The following STARD9 variants were observed in gnomAD, a reference collection of about 807,000 sequenced individuals.
STARD9 encodes the protein stAR-related lipid transfer protein 9.
STARD9 carries 346 observed loss-of-function variants against 399.8 expected under a neutral mutation model. The observed-to-expected ratio is 0.87, with a 90% CI of 0.79 to 0.95. The LOEUF (loss-of-function observed/expected upper bound fraction) is 0.95, where lower values mean the gene tolerates loss of function less well. Among genes scored for constraint, STARD9 ranks in the 40% least tolerant of loss-of-function variants. STARD9 has a pLI of 0.00. For missense variants in STARD9, 5,832 were observed against 5,667.5 expected, an observed-to-expected ratio of 1.03 and a Z score of -0.93; for synonymous variants, 2,203 against 2,143.5, an observed-to-expected ratio of 1.03 and a Z score of -0.77.
In STARD9 at chr15:42,607,458, C is replaced by T. The variant is rs1023647720; in HGVS notation, c.234+21821C>T. 2.6e-5 allele frequency among the ~76,000 whole-genome samples: 4 copies of T among 152,038 alleles called. No individual in the cohort carries two copies. The South Asian group carries it at 6.2e-4, about 24-fold the overall frequency. On this transcript the variant is annotated intron_variant, in intron 3 of 32. Coordinates refer to ENST00000290607, the MANE Select transcript of STARD9 (RefSeq NM_020759.3). ...CCTCAAGTGATCTGCCCACCTCACC[C>T]TCCCAAAGTGCTGGGATGACAGGTG...
chr15:42,626,955 A>G (rs1595666365), intron 3 of STARD9, among the ~76,000 whole-genome samples: 1 of 151,372 alleles, frequency 6.6e-6, no homozygotes, highest in African/African-American at 2.4e-5. Context: ...GGCTAAAGCG[A>G]TCCTTCAACT....
At chr15:42,614,865 T>C (rs2058925353) in intron 3 of STARD9, among the ~76,000 whole-genome samples, 1 of 152,040 alleles carries the variant, frequency 6.6e-6, no homozygotes, top group African/African-American at 2.4e-5. Context: ...CTCGGGAGGC[T>C]GAGGCGGGAG....
At position 42,692,275 on chromosome 15, in the gene STARD9, T is replaced by A. The variant is rs2060727025; in HGVS notation, c.10697T>A (p.Leu3566Ter). ...TTCCGAGGGAGTTCTTCAATTGCCT[T>A]AGGAGACCCCCACATCCCGACGAGC... ...EVFRGSSSIALGDPHIPTSPE... is the reference protein window; with the variant it reads ...EVFRGSSSIA The change falls in exon 23 of 33, where the codon TTA becomes TAA. Residue 3566 changes from leucine to a stop codon, truncating the protein, a stop_gained. Transcript: ENST00000290607. LOFTEE classifies it high-confidence loss of function. The A allele has an allele frequency of 1.8e-5, 28 of 1,536,892 alleles. No homozygotes were observed. The highest frequency in any genetic ancestry group is 2.4e-5 in the Non-Finnish European group (27 of 1,146,906).
chr15:42,688,322 T>TTC lies in STARD9; in HGVS notation c.6744_6745insTC (p.Val2249SerfsTer2). ...TAGGAAGTCTTGAGGAATTGGAGAC[T>TTC]GTGAAAGGTTTTCAGGAAAGCCAAG... On this transcript the variant is annotated frameshift_variant, in exon 23 of 33. Coordinates refer to ENST00000290607, the MANE Select transcript of STARD9 (RefSeq NM_020759.3). LOFTEE classifies it high-confidence loss of function. 1 of 1,537,368 alleles carries TTC rather than the reference T, an allele frequency of 6.5e-7. No individual in the cohort carries two copies.
rs1424730661 is a variant in STARD9, at chr15:42,687,053, C to G, written c.5475C>G (p.Thr1825=). Residue 1825 remains threonine, a synonymous_variant, in exon 23 of 33, where the codon ACC becomes ACG. Transcript: ENST00000290607. ...VTAEIPVDLN[T]REVIRESGKC... is the part of the protein sequence containing the mutation. ...CTGAGATACCAGTTGATCTGAATAC[C>G]AGGGAAGTCATCAGAGAATCAGGTA... 3.9e-6 allele frequency: 6 copies of G among 1,536,852 alleles called. No homozygotes were observed. Among genetic ancestry groups the G allele is most frequent in the African/African-American group, 1.4e-5 (1 of 73,006 alleles).
chr15:42,718,553 T>G, intron 31 of STARD9, 39 bp downstream of exon 31: 1 of 1,521,838 alleles, frequency 6.6e-7, no homozygotes, highest in Non-Finnish European at 8.8e-7. Context: ...GGGAAGAACT[T>G]GGGCTGAAGT....
intron 26 of STARD9, among the ~76,000 whole-genome samples, chr15:42,707,414 T>G (rs955897740): frequency 9.9e-5 from 15 of 151,912 alleles, no homozygotes; most frequent in Non-Finnish European, 1.0e-4. Flanking sequence ...ATTAATACTA[T>G]GCAAGACTCG....
At chr15:42,667,576 G>A (rs2060127457) in intron 15 of STARD9, among the ~76,000 whole-genome samples, 1 of 151,834 alleles carries the variant, frequency 6.6e-6, no homozygotes, top group African/African-American at 2.4e-5. Context: ...CTGCCTGCTG[G>A]GTTCAAGCAA....
At position 42,687,535 on chromosome 15, in the gene STARD9, G is replaced by T. The variant is rs115067542; in HGVS notation, c.5957G>T (p.Arg1986Leu). ...ACTGGGCTTCTTGAAAAAGGTCTTC[G>T]TCCCAAAGATAGCTCAGAAGAGTTT... ...NETGLLEKGL[R>L]PKDSSEEFKL... is the part of the protein sequence containing the mutation. The change falls in exon 23 of 33, where the codon CGT (arginine) becomes CTT (leucine). Residue 1986 changes from arginine (R) to leucine (L), a missense_variant. Around this residue, in one of 2 missense-constraint regions of STARD9, gnomAD observed 5,828 missense variants for 5,651.1 expected, o/e 1.03. Coordinates refer to ENST00000290607, the MANE Select transcript of STARD9 (RefSeq NM_020759.3). The T allele has an allele frequency of 6.5e-7, 1 of 1,536,954 alleles. No homozygotes were observed. Among genetic ancestry groups the T allele is most frequent in the African/African-American group, 1.4e-5 (1 of 73,154 alleles).
rs1454036470 is a variant in STARD9 at position 42,693,482 on chromosome 15, A to T, written c.11904A>T (p.Leu3968Phe). Residue 3968 changes from leucine (L) to phenylalanine (F), a missense_variant, in exon 23 of 33, where the codon TTA becomes TTT. Transcript: ENST00000290607. ...LGGSQRGRSS[L>F]QRSNGRSFLE... ...GCTCCCAGAGAGGTAGAAGTTCCTT[A>T]CAAAGGAGTAATGGGAGATCCTTCC... is the stretch of plus-strand genomic sequence containing the variant. 6.5e-7 allele frequency: 1 copy of T among 1,537,260 alleles called. No homozygotes were observed. The highest frequency in any genetic ancestry group is 2.0e-5 in the Admixed American group (1 of 51,008).
intron 3 of STARD9, among the ~76,000 whole-genome samples, chr15:42,598,214 G>T (rs2058554775): frequency 6.7e-6 from 1 of 150,328 alleles, no homozygotes; most frequent in Non-Finnish European, 1.5e-5. Context: ...TGTATTTTTA[G>T]TAGAGACGGG....
At chr15:42,703,618 C>G (rs745447871) in intron 26 of STARD9, among the ~76,000 whole-genome samples, 8 of 151,794 alleles carry the variant, frequency 5.3e-5, no homozygotes, top group Non-Finnish European at 8.8e-5. Flanking sequence ...CATGATCCAC[C>G]CACCTCGGCC....
intron 3 of STARD9, among the ~76,000 whole-genome samples, chr15:42,587,808 G>A (rs1461472534): frequency 2.6e-5 from 4 of 151,970 alleles, no homozygotes; most frequent in Admixed American, 6.6e-5. Flanking sequence ...CAGGTGATCC[G>A]CTCACCTCAG....
Position 42,689,107 on chromosome 15 carries a change from A to G in STARD9, c.7529A>G (p.Lys2510Arg). 2 of 1,537,338 alleles carry G rather than the reference A, an allele frequency of 1.3e-6. No individual in the cohort carries two copies. The highest frequency in any genetic ancestry group is 1.7e-6 in the Non-Finnish European group (2 of 1,146,926). ...AGCAAGCCAAGGCAGAAGGCAGAGA[A>G]GGAGACTGAGGACGTCGGACTGACC... ...QASKPRQKAE[K>R]ETEDVGLTSG... The change falls in exon 23 of 33, where the codon AAG (lysine) becomes AGG (arginine). Residue 2510 changes from lysine (K) to arginine (R), a missense_variant. Lys to Arg is a conservative substitution (Grantham distance 26). Transcript: ENST00000290607.
rs1476254665 is a variant in STARD9, at chr15:42,585,615, C to T, written c.212C>T (p.Pro71Leu). ...YCYWSVNPED[P>L]QYASQDVVFQ... ...TACTGGTCAGTCAACCCAGAGGATC[C>T]CCAGTATGCATCTCAAGATGTGGTA... The change falls in exon 3 of 33, where the codon CCC becomes CTC. Residue 71 changes from proline (P) to leucine (L), a missense_variant. Pro to Leu is a moderately conservative substitution (Grantham distance 98). This residue lies in a region of STARD9 where 5,828 missense variants were observed against 5,651.1 expected (regional missense o/e 1.03). Coordinates refer to ENST00000290607, the MANE Select transcript of STARD9 (RefSeq NM_020759.3). 6.5e-7 allele frequency: 1 copy of T among 1,535,214 alleles called. No homozygotes were observed. The highest frequency in any genetic ancestry group is 8.7e-7 in the Non-Finnish European group (1 of 1,145,368).
chr15:42,638,703 T>C lies in STARD9; in HGVS notation c.450T>C (p.Phe150=). The change falls in exon 7 of 33, where the codon TTT becomes TTC. Residue 150 remains phenylalanine, a synonymous_variant. Coordinates refer to ENST00000290607, the MANE Select transcript of STARD9 (RefSeq NM_020759.3). The part of the protein sequence containing the change: ...LPSSCRIKVS[F]LEIYNERVRD... ...GCCTTTTTCTACTTAACTCTAGTTT[T>C]CTAGAAATCTATAATGAACGGGTGC... The C allele has an allele frequency of 6.5e-7, 1 of 1,530,310 alleles. No individual in the cohort carries two copies. The highest frequency in any genetic ancestry group is 8.7e-7 in the Non-Finnish European group (1 of 1,143,628). 94.8% of individuals were successfully genotyped at this position (1,530,310 alleles called of 1,614,324 possible).
At chr15:42,624,071 G>A (rs2059147195) in intron 3 of STARD9, among the ~76,000 whole-genome samples, 1 of 152,224 alleles carries the variant, frequency 6.6e-6, no homozygotes, top group African/African-American at 2.4e-5. Context: ...TTTATGAAGT[G>A]TGGACAGTAT....
chr15:42,633,388 G>T (rs1468719087), intron 3 of STARD9, among the ~76,000 whole-genome samples: 3 of 152,076 alleles, frequency 2.0e-5, no homozygotes, highest in African/African-American at 7.2e-5. Flanking sequence ...GAATTGAAGG[G>T]AAAGTTGAAA....
chr15:42,638,675 GT>G, intron 6 of STARD9, 24 bp from the exon 7 acceptor site: 1 of 1,445,318 alleles, frequency 6.9e-7, no homozygotes, highest in Non-Finnish European at 9.3e-7. Flanking sequence ...ATATAATTAT[GT>G]TGCCTTTTTC....
Sources: allele counts gnomAD v4.1 joint callset (sites outside exome capture counted in the v4.1 genomes callset), GRCh38; gene constraint gnomAD v4.1.1; regional missense constraint gnomAD v4.1.1; transcripts MANE v1.5; gene names NCBI Gene and HGNC (gene_info 2026-07-23, HGNC 2026-07-21).